The following CSN3 variants were observed in gnomAD, a reference collection of about 807,000 sequenced individuals.
The protein encoded by CSN3 is kappa-casein.
In CSN3, 7 loss-of-function variants were observed where a neutral mutation model predicts 9.9. That is an observed-to-expected ratio of 0.71 (90% CI 0.40 to 1.33). The LOEUF (loss-of-function observed/expected upper bound fraction) is 1.33, where lower values mean the gene tolerates loss of function less well. Among genes scored for constraint, CSN3 ranks in the 40% most tolerant of loss-of-function variants. The pLI is 0.01. For synonymous variants in CSN3, 88 were observed against 82.3 expected (o/e 1.07, Z -0.37); for missense variants, 253 against 227.9 (o/e 1.11, Z -0.71).
chr4:70,247,762 C>G lies in CSN3; in HGVS notation c.55-56C>G. ...AAGATTTTTTTAACTGATTTAAGTA[C>G]TTTTTTTTTCTTTTTTAACTTATTT... is the stretch of plus-strand genomic sequence containing the variant. On this transcript the variant is annotated intron_variant, in intron 2 of 4. Coordinates refer to ENST00000304954, the Ensembl canonical transcript of CSN3. 4 of 1,376,912 alleles carry G rather than the reference C, an allele frequency of 2.9e-6. 1 individual carries two copies. In the South Asian group the frequency reaches 5.2e-5, roughly 18 times the overall value. The allele number at this position is 1,376,912 out of a possible 1,614,324, so 85.3% of individuals were successfully genotyped here. A position where few individuals can be genotyped will look rare whatever the true frequency, so the allele number is the denominator to read the frequency against.
intron 2 of CSN3, among the ~76,000 whole-genome samples, chr4:70,245,738 T>G (rs1331075492): frequency 6.6e-6 from 1 of 152,148 alleles, no homozygotes; most frequent in Middle Eastern, 3.2e-3. Context: ...AGTTTAGAGT[T>G]GCTTTTAAGT....
At chr4:70,241,447 A>T (rs1730267853), upstream of CSN3, among the ~76,000 whole-genome samples, 2 of 152,050 alleles carry the variant, frequency 1.3e-5, no homozygotes, top group African/African-American at 4.8e-5. Flanking sequence ...TATAGACATA[A>T]CTACAATGCT....
upstream of CSN3, among the ~76,000 whole-genome samples, chr4:70,240,924 A>G (rs1477684267): frequency 6.6e-6 from 1 of 151,960 alleles, no homozygotes; most frequent in Non-Finnish European, 1.5e-5. Flanking sequence ...TGAATGGGTG[A>G]CACCATGGTA....
In CSN3 at chr4:70,249,380, C is replaced by T. The variant is rs1335410588; in HGVS notation, c.470C>T (p.Thr157Ile). 4.3e-6 allele frequency: 7 copies of T among 1,613,970 alleles called. No individual in the cohort carries two copies. In the African/African-American group the frequency reaches 6.7e-5, roughly 15 times the overall value. The change falls in exon 4 of 5, where the codon ACT (threonine) becomes ATT (isoleucine). Residue 157 changes from threonine (T) to isoleucine (I), a missense_variant. Transcript: ENST00000304954. ...GAACCAACGGTGGACAGTGTAGTCACTCCAGAAGCTTTTTCAGAGTCCATC... is the reference window on the plus strand; with the variant it reads ...GAACCAACGGTGGACAGTGTAGTCATTCCAGAAGCTTTTTCAGAGTCCATC...
chr4:70,249,359 C>A, exon 4 of CSN3: 4 of 1,614,060 alleles, frequency 2.5e-6, no homozygotes, highest in Non-Finnish European at 3.4e-6. Flanking sequence ...GCCACTGAAC[C>A]AACGGTGGAC....
upstream of CSN3, among the ~76,000 whole-genome samples, chr4:70,239,534 C>A (rs1215106366): frequency 1.3e-5 from 2 of 151,882 alleles, no homozygotes; most frequent in Non-Finnish European, 2.9e-5. Context: ...GACCCTAAAA[C>A]TTACTGAGGA....
In CSN3 at chr4:70,247,857, C is replaced by G. The variant is rs745775209; in HGVS notation, c.87+7C>G. On this transcript the variant is annotated splice_region_variant and intron_variant, in intron 3 of 4. Transcript: ENST00000304954. ...AAACCAGAAACAACCAGCAGTAAGT[C>G]TATTTTAATTACTTCTGTTACAGGC... 1.3e-6 allele frequency: 2 copies of G among 1,593,162 alleles called. No individual in the cohort carries two copies. The highest frequency in any genetic ancestry group is 1.7e-6 in the Non-Finnish European group (2 of 1,170,670).
At chr4:70,249,616 G>T (rs1730447197) in intron 4 of CSN3, 123 bp downstream of exon 4, 2 of 635,504 alleles carry the variant, frequency 3.1e-6, no homozygotes, top group African/African-American at 1.8e-5. Flanking sequence ...GACAAAACAG[G>T]GTACTTACAG....
chr4:70,247,535 C>T (rs977939573), intron 2 of CSN3, among the ~76,000 whole-genome samples: 2 of 151,842 alleles, frequency 1.3e-5, no homozygotes, highest in Non-Finnish European at 2.9e-5. Context: ...TATTTGTTGG[C>T]ATGGGAGTCA....
exon 4 of CSN3, chr4:70,249,092 A>G: frequency 6.2e-7 from 1 of 1,614,040 alleles, no homozygotes; most frequent in Non-Finnish European, 8.5e-7. Flanking sequence ...TATGGAACCA[A>G]TTTGTACCAA....
At chr4:70,245,381 T>G (rs1211724616) in intron 2 of CSN3, among the ~76,000 whole-genome samples, 1 of 152,160 alleles carries the variant, frequency 6.6e-6, no homozygotes, top group Non-Finnish European at 1.5e-5. Context: ...ATTTGAATCA[T>G]TAACTTTTGT....
At chr4:70,244,073 G>C (rs1730325143) in intron 1 of CSN3, among the ~76,000 whole-genome samples, 2 of 152,000 alleles carry the variant, frequency 1.3e-5, no homozygotes, top group Non-Finnish European at 1.5e-5. Context: ...GAAATCACTT[G>C]ATCAAAGTTA....
intron 3 of CSN3, among the ~76,000 whole-genome samples, chr4:70,248,346 A>G (rs1290694434): frequency 6.6e-6 from 1 of 152,150 alleles, no homozygotes; most frequent in Non-Finnish European, 1.5e-5. Context: ...TTCTATTCAT[A>G]TGGAAAGGTC....
intron 1 of CSN3, 140 bp from the exon 2 acceptor site, chr4:70,244,671 TA>T (rs1283232556): frequency 2.4e-5 from 10 of 408,630 alleles, no homozygotes; most frequent in African/African-American, 4.1e-5. Flanking sequence ...ATTCTTTTGT[TA>T]AAATAAATTT....
chr4:70,240,718 A>G (rs1730257322), upstream of CSN3, among the ~76,000 whole-genome samples: 2 of 151,984 alleles, frequency 1.3e-5, no homozygotes, highest in African/African-American at 4.8e-5. Context: ...TACTCAAGTA[A>G]ATTTTAGACT....
chr4:70,250,390 G>T (rs928495175), intron 4 of CSN3, among the ~76,000 whole-genome samples: 10 of 152,140 alleles, frequency 6.6e-5, no homozygotes, highest in South Asian at 2.1e-4. Flanking sequence ...GCCCAGAAAA[G>T]GTTGCTTCTT....
At chr4:70,247,818 G>T in exon 3 of CSN3, 2 of 1,592,346 alleles carry the variant, frequency 1.3e-6, no homozygotes, top group Non-Finnish European at 1.7e-6. Flanking sequence ...AACTCCCCAG[G>T]CTGTGGAGGT....
At chr4:70,249,018 A>G (rs1217666695) in exon 4 of CSN3, 3 of 1,596,314 alleles carry the variant, frequency 1.9e-6, no homozygotes, top group Non-Finnish European at 2.6e-6. Flanking sequence ...ATGATGAAAG[A>G]CCATTCTATC....
At chr4:70,247,312 A>G (rs1390051458) in intron 2 of CSN3, among the ~76,000 whole-genome samples, 1 of 152,166 alleles carries the variant, frequency 6.6e-6, no homozygotes. Context: ...CACTATAAAA[A>G]CAAATGAAAG....
Sources: gnomAD v4.1 joint callset for allele counts (sites outside exome capture counted in the v4.1 genomes callset) on GRCh38, gnomAD v4.1.1 for gene constraint, MANE v1.5 for transcripts, NCBI Gene and HGNC (gene_info 2026-07-23, HGNC 2026-07-21) for gene names.